RASA4B: variants seen among roughly 807,000 people sequenced by gnomAD.
The protein encoded by RASA4B is RAS p21 protein activator 4B, also known as ras GTPase-activating protein 4B.
In RASA4B, 2 loss-of-function variants were observed where a neutral mutation model predicts 24.2. That is an observed-to-expected ratio of 0.08 (90% CI 0.03 to 0.26). RASA4B has a LOEUF of 0.26. Among genes scored for constraint, RASA4B ranks in the 10% least tolerant of loss-of-function variants. The pLI is 1.00. For synonymous variants in RASA4B, 2 were observed against 125.6 expected (o/e 0.02, Z 6.58); for missense variants, 8 against 277.2 (o/e 0.03, Z 6.90).
At chr7:102,493,692 T>C (rs1473534227) in intron 15 of RASA4B, 133 bp downstream of exon 15, 2 of 226,972 alleles carry the variant, frequency 8.8e-6, no homozygotes, top group African/African-American at 4.1e-5. Flanking sequence ...CCTAGGGGCC[T>C]GGCAAATGCC....
chr7:102,489,733 GCTCCCTTAGTCC>G (rs1193036548), intron 17 of RASA4B, among the ~76,000 whole-genome samples: 1 of 145,414 alleles, frequency 6.9e-6, no homozygotes, highest in East Asian at 2.2e-4. Context: ...TCCCTCCCTT[GCTCCCTTAGTCC>G]CTTCTGGTTC....
chr7:102,495,792 C>T, intron 11 of RASA4B, among the ~76,000 whole-genome samples: 1 of 122,876 alleles, frequency 8.1e-6, no homozygotes, highest in African/African-American at 2.9e-5. Flanking sequence ...ACTACAACCT[C>T]TGGCTCCTGG....
rs62483844 is a variant in RASA4B, at chr7:102,480,409, G to A, written c.*3183C>T. ...GAGAGTGCAGAGGAGTGTGAGATGC[G>A]TGTGAAAATGCAAACTTGGCTCTCC... On this transcript the variant is annotated 3_prime_UTR_variant, in exon 21 of 21. Transcript: ENST00000465829. Among the ~76,000 whole-genome samples, 27 of 148,094 alleles carry A rather than the reference G, an allele frequency of 1.8e-4. No homozygotes were observed. The highest frequency in any genetic ancestry group is 9.0e-4 in the Admixed American group (13 of 14,512).
intron 17 of RASA4B, among the ~76,000 whole-genome samples, chr7:102,490,688 T>A (rs1400964393): frequency 6.6e-6 from 1 of 152,202 alleles, no homozygotes; most frequent in Admixed American, 6.6e-5. Context: ...CTCAATCAAC[T>A]CTTTTCTCAT....
intron 11 of RASA4B, among the ~76,000 whole-genome samples, chr7:102,495,727 T>A (rs1358534820): frequency 1.3e-4 from 1 of 7,860 alleles, no homozygotes; most frequent in African/African-American, 5.1e-4. Flanking sequence ...GGGGGGGGGG[T>A]GCGGGGCACG....
intron 17 of RASA4B, among the ~76,000 whole-genome samples, chr7:102,490,682 ATCAAC>A (rs1323746768): frequency 1.3e-5 from 2 of 152,232 alleles, no homozygotes; most frequent in Non-Finnish European, 2.9e-5. Flanking sequence ...GAGAGGCTCA[ATCAAC>A]TCTTTTCTCA....
At chr7:102,502,668 G>A (rs1799361120) in intron 6 of RASA4B, among the ~76,000 whole-genome samples, 1 of 114,266 alleles carries the variant, frequency 8.8e-6, no homozygotes, top group African/African-American at 2.7e-5. Flanking sequence ...GCTGAGGCAG[G>A]AGAATCTCTC....
chr7:102,484,810 C>T (rs1305227770), intron 19 of RASA4B, among the ~76,000 whole-genome samples: 2 of 147,552 alleles, frequency 1.4e-5, no homozygotes, highest in Non-Finnish European at 3.0e-5. Context: ...CCCAGGGGAA[C>T]AGCTGGGCAG....
In RASA4B at chr7:102,498,193, C is replaced by T. The variant is rs1799229232; in HGVS notation, c.738-1229G>A. On this transcript the variant is annotated intron_variant, in intron 8 of 20. Transcript: ENST00000465829. Reference sequence around the variant, plus strand: ...AGATTACAGGCATGCGCCACCATACCCGGCCTAAATTTGAATATTTTTAGT... The same window carrying T: ...AGATTACAGGCATGCGCCACCATACTCGGCCTAAATTTGAATATTTTTAGT... 5.5e-5 allele frequency among the ~76,000 whole-genome samples: 8 copies of T among 145,174 alleles called. No homozygotes were observed. In the South Asian group the frequency reaches 1.5e-3, roughly 28 times the overall value.
intron 11 of RASA4B, among the ~76,000 whole-genome samples, chr7:102,495,716 G>T (rs1403151670): frequency 6.3e-5 from 1 of 15,778 alleles, no homozygotes; most frequent in African/African-American, 1.4e-4. Context: ...TCTCTTTGGG[G>T]GGGGGGGGGG....
At chr7:102,504,366 C>G (rs1244785330) in intron 5 of RASA4B, among the ~76,000 whole-genome samples, 4 of 146,246 alleles carry the variant, frequency 2.7e-5, no homozygotes, top group Non-Finnish European at 4.5e-5. Flanking sequence ...CCTCTGCTTC[C>G]CAAAGCATTG....
chr7:102,507,245 A>AT (rs1586782373), intron 4 of RASA4B, among the ~76,000 whole-genome samples: 1 of 18,510 alleles, frequency 5.4e-5, no homozygotes, highest in African/African-American at 1.6e-4. Context: ...AAAAAAAAAA[A>AT]AAAAAAAAAA....
chr7:102,487,043 C>T (rs1291476134), intron 18 of RASA4B, among the ~76,000 whole-genome samples: 7 of 32,500 alleles, frequency 2.2e-4, no homozygotes, highest in African/African-American at 4.0e-4. Context: ...AATCTCAGCA[C>T]TTTGGGAGGC....
chr7:102,489,655 G>T (rs1191717914), intron 17 of RASA4B, among the ~76,000 whole-genome samples: 1 of 149,548 alleles, frequency 6.7e-6, no homozygotes, highest in Non-Finnish European at 1.5e-5. Context: ...ACCACACCCG[G>T]CTACTTTTTG....
chr7:102,489,714 C>T (rs1397986176), intron 17 of RASA4B, among the ~76,000 whole-genome samples: 1 of 148,406 alleles, frequency 6.7e-6, no homozygotes, highest in Non-Finnish European at 1.5e-5. Flanking sequence ...CTGCTATACC[C>T]CACTCTCTTC....
intron 1 of RASA4B, among the ~76,000 whole-genome samples, chr7:102,512,869 T>A (rs1475864876): frequency 9.4e-5 from 8 of 85,086 alleles, no homozygotes; most frequent in African/African-American, 2.2e-4. Flanking sequence ...AGGGAGGGGG[T>A]GAGAGGGAGG....
intron 17 of RASA4B, among the ~76,000 whole-genome samples, chr7:102,489,772 A>C: frequency 2.3e-5 from 3 of 128,748 alleles, no homozygotes; most frequent in East Asian, 2.8e-4. Flanking sequence ...AGTCACTATC[A>C]CAATTTGCTT....
At chr7:102,493,019 AC>A (rs1799013068) in intron 16 of RASA4B, 96 bp downstream of exon 16, 1 of 182,046 alleles carries the variant, frequency 5.5e-6, no homozygotes, top group Non-Finnish European at 1.2e-5. Context: ...TTCTTCTCTG[AC>A]CCCGGGGGTA....
intron 8 of RASA4B, among the ~76,000 whole-genome samples, chr7:102,498,055 T>G (rs1402692553): frequency 9.0e-6 from 1 of 110,744 alleles, no homozygotes; most frequent in East Asian, 2.7e-4. Flanking sequence ...ATGTGAATAT[T>G]TTATTTACTT....
Sources: gnomAD v4.1 joint callset for allele counts (sites outside exome capture counted in the v4.1 genomes callset) on GRCh38, gnomAD v4.1.1 for gene constraint, MANE v1.5 for transcripts, NCBI Gene and HGNC (gene_info 2026-07-23, HGNC 2026-07-21) for gene names.